ASIC2: variants seen among roughly 807,000 people sequenced by gnomAD.
ASIC2 encodes the protein acid-sensing ion channel 2.
Under a neutral mutation model 57.3 loss-of-function variants are expected in ASIC2, and 25 were observed. The ratio of observed to expected loss-of-function variants is 0.44; its 90% confidence interval spans 0.32 to 0.61. ASIC2 has a LOEUF of 0.61. Ranked by LOEUF, ASIC2 falls within the 20% of genes least tolerant of loss-of-function variation. ASIC2 has a pLI of 0.06. For synonymous variants in ASIC2, 319 were observed against 307.5 expected (o/e 1.04, Z -0.39); for missense variants, 641 against 738.1 (o/e 0.87, Z 1.52).
chr17:34,075,754 G>A (rs192485092), intron 1 of ASIC2, among the ~76,000 whole-genome samples: 93 of 151,488 alleles, frequency 6.1e-4, no homozygotes, highest in South Asian at 3.8e-3. Context: ...CCTTTGCACC[G>A]GCTGTTATCT....
At chr17:33,347,634 G>A (rs543663763) in intron 1 of ASIC2, among the ~76,000 whole-genome samples, 13 of 152,276 alleles carry the variant, frequency 8.5e-5, no homozygotes, top group Admixed American at 2.0e-4. Flanking sequence ...TTAAAAGCCC[G>A]GATGAGGTCT....
intron 1 of ASIC2, among the ~76,000 whole-genome samples, chr17:33,258,416 A>C (rs1909155945): frequency 6.6e-6 from 1 of 152,222 alleles, no homozygotes; most frequent in East Asian, 1.9e-4. Flanking sequence ...GGGACAGAGA[A>C]GGAGGATGGG....
At position 33,393,170 on chromosome 17, in the gene ASIC2, G is replaced by T. The variant is rs148285414; in HGVS notation, c.556-281103C>A. ...GTACACATTGCTTGCCTGCTCAATG[G>T]CTCCCTGGTGCCTATAAAATAAAGC... On this transcript the variant is annotated intron_variant, in intron 1 of 9. Transcript: ENST00000359872. Among the ~76,000 whole-genome samples the T allele has an allele frequency of 2.0e-5, 3 of 152,102 alleles. No individual in the cohort carries two copies. In the East Asian group the frequency reaches 5.8e-4, roughly 29 times the overall value.
chr17:33,516,863 C>T (rs996628786), intron 1 of ASIC2, among the ~76,000 whole-genome samples: 2 of 152,168 alleles, frequency 1.3e-5, no homozygotes, highest in Non-Finnish European at 2.9e-5. Context: ...TTTCCTGTTT[C>T]CTGTCTGTCT....
intron 1 of ASIC2, among the ~76,000 whole-genome samples, chr17:33,533,925 G>A (rs1915141181): frequency 6.6e-6 from 1 of 152,184 alleles, no homozygotes; most frequent in Non-Finnish European, 1.5e-5. Context: ...TCTGTAAGGT[G>A]AAGGGCTAAA....
rs111475378 is a variant in ASIC2 at position 34,039,994 on chromosome 17, C to T, written c.555+115984G>A. ...GCCCGGGGCGGAGCCGGGGCCTCTC[C>T]TGAGCGCCGCAACCCCCCGCCCGGG... On this transcript the variant is annotated intron_variant, in intron 1 of 9. Transcript: ENST00000359872. 8.1e-3 allele frequency: 5,914 copies of T among 726,382 alleles called. 136 individuals carry two copies. Among genetic ancestry groups the T allele is most frequent in the East Asian group, 0.07 (2,182 of 31,024 alleles). The allele number at this position is 726,382 out of a possible 1,614,324, so 45.0% of individuals were successfully genotyped here.
chr17:33,538,423 C>T (rs956672097), intron 1 of ASIC2, among the ~76,000 whole-genome samples: 1 of 152,200 alleles, frequency 6.6e-6, no homozygotes, highest in Non-Finnish European at 1.5e-5. Context: ...AATTTGTTCT[C>T]TGAAGTGGCA....
chr17:33,908,473 A>G (rs1013816776), intron 1 of ASIC2, among the ~76,000 whole-genome samples: 2 of 152,210 alleles, frequency 1.3e-5, no homozygotes, highest in African/African-American at 4.8e-5. Context: ...GGAGAGACAG[A>G]TGGTGAGAAA....
At chr17:33,229,454 G>T (rs907264460) in intron 1 of ASIC2, among the ~76,000 whole-genome samples, 2 of 152,318 alleles carry the variant, frequency 1.3e-5, no homozygotes, top group Admixed American at 6.5e-5. Context: ...CTGGCTACAC[G>T]CAGGGCAGAG....
chr17:33,950,153 A>G (rs1236169670), intron 1 of ASIC2, among the ~76,000 whole-genome samples: 6 of 152,210 alleles, frequency 3.9e-5, no homozygotes, highest in African/African-American at 1.2e-4. Flanking sequence ...CTTCAGGGTC[A>G]TTGTCTCTAA....
intron 1 of ASIC2, among the ~76,000 whole-genome samples, chr17:33,516,691 A>C (rs189716228): frequency 9.9e-4 from 151 of 152,292 alleles, no homozygotes; most frequent in Non-Finnish European, 1.8e-3. Flanking sequence ...CGCTGACATC[A>C]GGGATTTGGC....
At chr17:34,129,426 T>C (rs1456340624) in intron 1 of ASIC2, among the ~76,000 whole-genome samples, 1 of 152,196 alleles carries the variant, frequency 6.6e-6, no homozygotes, top group Non-Finnish European at 1.5e-5. Flanking sequence ...GAATCAACTT[T>C]GGGAATCCTG....
intron 1 of ASIC2, among the ~76,000 whole-genome samples, chr17:33,609,755 A>G (rs141625879): frequency 2.0e-5 from 3 of 152,316 alleles, no homozygotes; most frequent in Non-Finnish European, 4.4e-5. Context: ...TGTGGGGCAC[A>G]TGAAGAAGAA....
chr17:33,812,446 A>G (rs1912450412), intron 1 of ASIC2, among the ~76,000 whole-genome samples: 1 of 152,174 alleles, frequency 6.6e-6, no homozygotes, highest in Admixed American at 6.5e-5. Context: ...GGAGAGCAAG[A>G]CAATAAGATG....
chr17:33,092,934 TG>T lies in ASIC2; in HGVS notation c.860-3945del, dbSNP rs2092163395. Among the ~76,000 whole-genome samples, 3 of 152,232 alleles carry T rather than the reference TG, an allele frequency of 2.0e-5. No homozygotes were observed. In the South Asian group the frequency reaches 6.2e-4, roughly 31 times the overall value. On this transcript the variant is annotated intron_variant, in intron 2 of 9. Transcript: ENST00000225823. ...TCCCTTGCTTATGTCTGCTGTTCCC[TG>T]CTGTATCTGGTCAGCTGTGAGCCTG...
At chr17:33,222,745 TTA>T (rs1907730404) in intron 1 of ASIC2, among the ~76,000 whole-genome samples, 1 of 152,172 alleles carries the variant, frequency 6.6e-6, no homozygotes, top group Non-Finnish European at 1.5e-5. Flanking sequence ...GTCAATATAT[TTA>T]TATGTTTCTT....
chr17:33,612,880 T>C (rs1020487414), intron 1 of ASIC2, among the ~76,000 whole-genome samples: 2 of 152,222 alleles, frequency 1.3e-5, no homozygotes, highest in African/African-American at 4.8e-5. Flanking sequence ...AATACATTGC[T>C]GTTGTACTGG....
chr17:33,110,157 C>T (rs1288289385), intron 2 of ASIC2, among the ~76,000 whole-genome samples: 1 of 152,158 alleles, frequency 6.6e-6, no homozygotes, highest in East Asian at 1.9e-4. Flanking sequence ...TCTGTTTAGG[C>T]TTTGAGTGTG....
upstream of ASIC2, among the ~76,000 whole-genome samples, chr17:33,297,455 C>T (rs188370212): frequency 6.8e-4 from 104 of 152,224 alleles, no homozygotes; most frequent in Non-Finnish European, 1.8e-4. Context: ...TCTTGGTGTG[C>T]TGCTTAGAAT....
Sources: gnomAD v4.1 joint callset for allele counts (sites outside exome capture counted in the v4.1 genomes callset) on GRCh38, gnomAD v4.1.1 for gene constraint, MANE v1.5 for transcripts, NCBI Gene and HGNC (gene_info 2026-07-23, HGNC 2026-07-21) for gene names.